Variants in TRPM3 observed in about 807,000 individuals in gnomAD.
TRPM3 encodes the protein transient receptor potential cation channel subfamily M member 3, also known as long transient receptor potential channel 3.
In TRPM3, 77 loss-of-function variants were observed where a neutral mutation model predicts 181.2. The observed-to-expected ratio is 0.42, with a 90% confidence interval of 0.35 to 0.51. The LOEUF is 0.51. Among genes scored for constraint, TRPM3 ranks in the 20% least tolerant of loss-of-function variants. The pLI, the probability that TRPM3 is intolerant of heterozygous loss-of-function variation, is 0.01. For synonymous variants in TRPM3, 745 were observed against 796.4 expected (o/e 0.94, Z 1.09); for missense variants, 1,759 against 2,196.7 (o/e 0.80, Z 3.98).
At chr9:71,269,984 T>C (rs1279271621) in intron 1 of TRPM3, among the ~76,000 whole-genome samples, 2 of 152,234 alleles carry the variant, frequency 1.3e-5, no homozygotes, top group Admixed American at 1.3e-4. Context: ...ACAGTCTTAG[T>C]CTAACTCATT....
intron 3 of TRPM3, among the ~76,000 whole-genome samples, chr9:70,858,683 G>C (rs1201623239): frequency 6.6e-6 from 1 of 151,994 alleles, no homozygotes; most frequent in Admixed American, 6.6e-5. Flanking sequence ...AGGCCATCTA[G>C]GGCAGCCATA....
intron 1 of TRPM3, among the ~76,000 whole-genome samples, chr9:71,008,109 A>T (rs539750867): frequency 6.6e-6 from 1 of 152,126 alleles, no homozygotes; most frequent in African/African-American, 2.4e-5. Context: ...ACCACAAAAT[A>T]GAAAGGATCA....
At chr9:70,606,192 A>G (rs925022967) in intron 19 of TRPM3, among the ~76,000 whole-genome samples, 1 of 152,146 alleles carries the variant, frequency 6.6e-6, no homozygotes, top group Non-Finnish European at 1.5e-5. Flanking sequence ...CTGGGGATCT[A>G]TATATCTATC....
rs117583215 is a variant in TRPM3 at position 71,034,126 on chromosome 9, A to G, written c.177+87052T>C. 1.7e-3 allele frequency among the ~76,000 whole-genome samples: 262 copies of G among 152,278 alleles called. 2 individuals carry two copies. The Middle Eastern group carries it at 0.027, about 16-fold the overall frequency. On this transcript the variant is annotated intron_variant, in intron 1 of 25. Coordinates refer to ENST00000677713, the MANE Select transcript of TRPM3 (RefSeq NM_001366145.2). ...TTCTTGTCAATGTTACAACAAATCGACATGGAACAAAACAATGTTATTTGA... is the reference window on the plus strand; with the variant it reads ...TTCTTGTCAATGTTACAACAAATCGGCATGGAACAAAACAATGTTATTTGA...
At chr9:71,091,474 A>T (rs915617539) in intron 1 of TRPM3, among the ~76,000 whole-genome samples, 3 of 152,136 alleles carry the variant, frequency 2.0e-5, no homozygotes, top group Non-Finnish European at 4.4e-5. Flanking sequence ...TGGATTTGCC[A>T]TGGGACTTCT....
chr9:70,784,154 G>C lies in TRPM3; in HGVS notation c.1099C>G (p.Arg367Gly). Residue 367 changes from arginine to glycine, a missense_variant, in exon 7 of 26, where the codon CGG becomes GGG. Physicochemically the swap from Arg to Gly is moderately radical, Grantham distance 125. This residue lies in a region of TRPM3 where 737 missense variants were observed against 957.4 expected (regional missense o/e 0.77). Transcript: ENST00000677713. ...CCAAAGGCCAGGATGTCCGATGCCC[G>C]TCCACTCCCATCACAGACAACCACT... is the stretch of plus-strand genomic sequence containing the variant. Reference protein sequence around the residue: ...VPVVVCDGSGRASDILAFGHK... With the variant: ...VPVVVCDGSGGASDILAFGHK... The C allele has an allele frequency of 6.2e-7, 1 of 1,613,444 alleles. No individual in the cohort carries two copies. The highest frequency in any genetic ancestry group is 8.5e-7 in the Non-Finnish European group (1 of 1,179,734).
chr9:70,615,889 C>A lies in TRPM3; in HGVS notation c.2526+19G>T, dbSNP rs755517508. On this transcript the variant is annotated intron_variant, in intron 18 of 25. Coordinates refer to ENST00000677713, the MANE Select transcript of TRPM3 (RefSeq NM_001366145.2). ...TAGGAATTCTGCCCATAGAGAATAA[C>A]TGTGCAATGTTTTCTTACTGTGAGC... The A allele has an allele frequency of 6.3e-7, 1 of 1,589,366 alleles. No homozygotes were observed. The highest frequency in any genetic ancestry group is 8.5e-7 in the Non-Finnish European group (1 of 1,172,016).
At chr9:71,346,452 G>T (rs1470832319) in intron 1 of TRPM3, among the ~76,000 whole-genome samples, 4 of 152,150 alleles carry the variant, frequency 2.6e-5, no homozygotes, top group African/African-American at 9.7e-5. Flanking sequence ...TACAAAATTA[G>T]GCACCGGGCC....
chr9:70,948,117 A>ATTTTTTTT (rs5898171), intron 1 of TRPM3, among the ~76,000 whole-genome samples: 1 of 143,754 alleles, frequency 7.0e-6, no homozygotes. Context: ...TGAAAAGCCA[A>ATTTTTTTT]TTTTTTTTTT....
intron 1 of TRPM3, among the ~76,000 whole-genome samples, chr9:70,890,789 A>G (rs2132843629): frequency 6.6e-6 from 1 of 152,214 alleles, no homozygotes; most frequent in Middle Eastern, 3.4e-3. Flanking sequence ...ACAGGAAAAA[A>G]CATGGTATCT....
intron 6 of TRPM3, among the ~76,000 whole-genome samples, chr9:70,797,605 C>A (rs1403956817): frequency 2.0e-5 from 3 of 152,214 alleles, no homozygotes; most frequent in Non-Finnish European, 4.4e-5. Flanking sequence ...GATTTTTAAA[C>A]TTTCCTTCAG....
At chr9:70,672,967 C>A (rs1047426483) in intron 9 of TRPM3, among the ~76,000 whole-genome samples, 1 of 152,120 alleles carries the variant, frequency 6.6e-6, no homozygotes, top group Admixed American at 6.5e-5. Flanking sequence ...CAGGTGCAAA[C>A]ACCTGTGCAC....
intron 1 of TRPM3, among the ~76,000 whole-genome samples, chr9:71,070,892 T>A (rs2062674304): frequency 6.6e-6 from 1 of 152,214 alleles, no homozygotes; most frequent in South Asian, 2.1e-4. Flanking sequence ...ATTCAGTATA[T>A]GTCAAAACCA....
chr9:70,810,119 C>T (rs2091687449), intron 6 of TRPM3: 3 of 531,626 alleles, frequency 5.6e-6, no homozygotes, highest in Non-Finnish European at 1.2e-5. Context: ...CTGCTTGCCT[C>T]CACCCCCACC....
At chr9:70,869,298 G>A (rs867723815) in intron 1 of TRPM3, among the ~76,000 whole-genome samples, 1 of 151,786 alleles carries the variant, frequency 6.6e-6, no homozygotes, top group Non-Finnish European at 1.5e-5. Context: ...ACAAATCCCC[G>A]GAGAGATCGG....
chr9:71,025,914 G>A (rs1017518672), intron 1 of TRPM3, among the ~76,000 whole-genome samples: 6 of 152,132 alleles, frequency 3.9e-5, no homozygotes, highest in South Asian at 2.1e-4. Context: ...GGAGGCTGCC[G>A]GGAACTGAAA....
chr9:70,992,109 T>C, intron 1 of TRPM3, among the ~76,000 whole-genome samples: 1 of 152,202 alleles, frequency 6.6e-6, no homozygotes, highest in East Asian at 1.9e-4. Flanking sequence ...GTTATGCATT[T>C]ACAAGTTACT....
chr9:71,094,702 A>T (rs2066827828), intron 1 of TRPM3, among the ~76,000 whole-genome samples: 1 of 152,066 alleles, frequency 6.6e-6, no homozygotes, highest in South Asian at 2.1e-4. Context: ...AATTGAATGC[A>T]TTCGGTGCAT....
At chr9:71,273,242 C>G (rs2083942425) in intron 1 of TRPM3, among the ~76,000 whole-genome samples, 1 of 152,180 alleles carries the variant, frequency 6.6e-6, no homozygotes, top group African/African-American at 2.4e-5. Context: ...AAGAATTTTA[C>G]TTGTTCTGTG....
Sources: allele counts gnomAD v4.1 joint callset (sites outside exome capture counted in the v4.1 genomes callset), GRCh38; gene constraint gnomAD v4.1.1; regional missense constraint gnomAD v4.1.1; transcripts MANE v1.5; gene names NCBI Gene and HGNC (gene_info 2026-07-23, HGNC 2026-07-21).